Variants in DPP10 observed in about 807,000 individuals in gnomAD.
DPP10 encodes inactive dipeptidyl peptidase 10.
Under a neutral mutation model 120.9 loss-of-function variants are expected in DPP10, and 33 were observed. The observed-to-expected ratio is 0.27, with a 90% CI of 0.21 to 0.37. DPP10 has a LOEUF of 0.37. Among genes scored for constraint, DPP10 ranks in the 10% least tolerant of loss-of-function variants. The probability of loss-of-function intolerance (pLI) is 1.00; values close to 1 mark genes in which losing one functional copy is unlikely to be tolerated. For missense variants in DPP10, 816 were observed against 942.8 expected (o/e 0.87, Z 1.76); for synonymous variants, 337 against 326.1 (o/e 1.03, Z -0.36).
intron 1 of DPP10, among the ~76,000 whole-genome samples, chr2:114,921,998 T>G (rs1423156252): frequency 6.6e-6 from 1 of 152,212 alleles, no homozygotes; most frequent in Non-Finnish European, 1.5e-5. Context: ...GTCATCTATT[T>G]TGCAAAGTGC....
At chr2:115,184,637 C>A (rs996144716) in intron 1 of DPP10, among the ~76,000 whole-genome samples, 1 of 152,174 alleles carries the variant, frequency 6.6e-6, no homozygotes, top group Non-Finnish European at 1.5e-5. Context: ...TGGTCTTTGA[C>A]GTTCTTGGAT....
chr2:115,787,496 CAGA>C (rs553977636), intron 17 of DPP10, among the ~76,000 whole-genome samples: 476 of 152,160 alleles, frequency 3.1e-3, no homozygotes, highest in Non-Finnish European at 5.6e-3. Context: ...TTAGATGCTG[CAGA>C]AGAAAAGATC....
intron 1 of DPP10, among the ~76,000 whole-genome samples, chr2:115,277,978 C>G (rs1236005894): frequency 1.3e-5 from 2 of 152,048 alleles, no homozygotes; most frequent in African/African-American, 2.4e-5. Context: ...AATTAGTATC[C>G]CTGATTCACA....
intron 21 of DPP10, among the ~76,000 whole-genome samples, chr2:115,827,789 G>A (rs2150085996): frequency 6.6e-6 from 1 of 151,778 alleles, no homozygotes. Context: ...AGAGATGGGG[G>A]TTTCACCGTT....
chr2:115,535,989 C>T (rs892482226), intron 5 of DPP10, among the ~76,000 whole-genome samples: 4 of 151,934 alleles, frequency 2.6e-5, no homozygotes, highest in African/African-American at 9.7e-5. Flanking sequence ...GCTGAAGTTG[C>T]TTATCAGCTT....
intron 1 of DPP10, among the ~76,000 whole-genome samples, chr2:114,581,479 A>G (rs1457614084): frequency 1.3e-5 from 2 of 152,122 alleles, no homozygotes; most frequent in African/African-American, 4.8e-5. Flanking sequence ...CACCACGCCC[A>G]GCCAAAATAT....
At chr2:114,710,612 G>A (rs973587516) in intron 1 of DPP10, among the ~76,000 whole-genome samples, 1 of 152,138 alleles carries the variant, frequency 6.6e-6, no homozygotes, top group Admixed American at 6.5e-5. Flanking sequence ...GGGTGTGGTA[G>A]CACATGCCTG....
intron 11 of DPP10, among the ~76,000 whole-genome samples, chr2:115,753,589 T>C (rs1679028387): frequency 2.0e-5 from 3 of 152,194 alleles, no homozygotes; most frequent in Admixed American, 1.3e-4. Context: ...TTCTCAGATA[T>C]GGAATTTTTC....
At chr2:115,724,703 A>G (rs565861538) in intron 7 of DPP10, among the ~76,000 whole-genome samples, 3 of 152,280 alleles carry the variant, frequency 2.0e-5, no homozygotes, top group Non-Finnish European at 4.4e-5. Flanking sequence ...GCATTGCTAT[A>G]GAGAAACACC....
chr2:114,494,572 C>A (rs1336085396), intron 1 of DPP10, among the ~76,000 whole-genome samples: 1 of 152,130 alleles, frequency 6.6e-6, no homozygotes, highest in Non-Finnish European at 1.5e-5. Context: ...GCATTTATTT[C>A]TAGTACAGAG....
At chr2:115,146,050 A>G (rs2051206451) in intron 1 of DPP10, among the ~76,000 whole-genome samples, 1 of 152,060 alleles carries the variant, frequency 6.6e-6, no homozygotes, top group African/African-American at 2.4e-5. Flanking sequence ...CAGATACACC[A>G]TTATTATGCA....
chr2:115,118,747 T>TTGTGTGTGTG (rs59183186), intron 1 of DPP10, among the ~76,000 whole-genome samples: 21 of 140,518 alleles, frequency 1.5e-4, no homozygotes, highest in African/African-American at 5.7e-4. Context: ...ACACAGCTAA[T>TTGTGTGTGTG]TGTGTGTGTG....
intron 1 of DPP10, among the ~76,000 whole-genome samples, chr2:114,617,966 C>T (rs1246659506): frequency 1.3e-5 from 2 of 152,054 alleles, no homozygotes; most frequent in African/African-American, 4.8e-5. Context: ...GATCACCCAC[C>T]ACCACTGCTC....
chr2:115,757,047 C>T (rs13433006), intron 11 of DPP10, among the ~76,000 whole-genome samples: 221 of 152,210 alleles, frequency 1.5e-3, no homozygotes, highest in African/African-American at 5.2e-3. Flanking sequence ...GTTGCAATCA[C>T]ACAATCACAA....
chr2:114,520,713 G>A (rs1401481970), intron 1 of DPP10, among the ~76,000 whole-genome samples: 2 of 152,180 alleles, frequency 1.3e-5, no homozygotes, highest in Admixed American at 6.5e-5. Flanking sequence ...TCTCTGTCTT[G>A]AAAGGTTTTA....
chr2:114,474,910 A>G (rs1166740998), intron 1 of DPP10, among the ~76,000 whole-genome samples: 1 of 152,236 alleles, frequency 6.6e-6, no homozygotes, highest in Admixed American at 6.5e-5. Flanking sequence ...GAGCCTTGAC[A>G]GTGAACTGAA....
chr2:115,535,466 A>G (rs1327956444), intron 5 of DPP10, among the ~76,000 whole-genome samples: 2 of 151,566 alleles, frequency 1.3e-5, no homozygotes, highest in African/African-American at 4.8e-5. Flanking sequence ...TGTTCCATTG[A>G]TCTATATCTC....
chr2:115,446,036 C>T (rs2072556784), intron 3 of DPP10, among the ~76,000 whole-genome samples: 1 of 152,158 alleles, frequency 6.6e-6, no homozygotes, highest in Non-Finnish European at 1.5e-5. Context: ...CTCTGTGCAC[C>T]ACTGGGACTT....
At chr2:114,499,857 G>A (rs1449098220) in intron 1 of DPP10, among the ~76,000 whole-genome samples, 2 of 152,232 alleles carry the variant, frequency 1.3e-5, no homozygotes, top group African/African-American at 2.4e-5. Flanking sequence ...CTTAAATGAG[G>A]CCCAACATGA....
Sources: allele counts gnomAD v4.1 joint callset (sites outside exome capture counted in the v4.1 genomes callset), GRCh38; gene constraint gnomAD v4.1.1; transcripts MANE v1.5; gene names NCBI Gene and HGNC (gene_info 2026-07-23, HGNC 2026-07-21).